The following SYNM variants were observed in gnomAD, a reference collection of about 807,000 sequenced individuals.
SYNM encodes the protein synemin, also known as desmuslin.
A neutral mutation model predicts 104.0 loss-of-function variants in SYNM; 95 were observed. That is an observed-to-expected ratio of 0.91 (90% CI 0.77 to 1.08). SYNM has a LOEUF of 1.08. Among genes scored for constraint, SYNM ranks in the 50% least tolerant of loss-of-function variants. The pLI, the probability that SYNM is intolerant of heterozygous loss-of-function variation, is 0.00. For synonymous variants in SYNM, 918 were observed against 869.0 expected, an observed-to-expected ratio of 1.06 and a Z score of -0.99; for missense variants, 2,150 against 2,052.2, an observed-to-expected ratio of 1.05 and a Z score of -0.92.
rs1246826356 is a variant in SYNM, at chr15:99,131,565, G to A, written c.3205G>A (p.Ala1069Thr). Residue 1069 changes from alanine (A) to threonine (T), a missense_variant, in exon 4 of 4, where the codon GCC becomes ACC. Coordinates refer to ENST00000336292, the MANE Select transcript of SYNM (RefSeq NM_145728.3). This position sits in a 1 kb window ranked among gnomAD's most constrained non-coding sequence, Gnocchi z 4.3. Reference sequence around the variant, plus strand: ...TGCTGGCATTCGCTTTAGGCGTTGGGCCACCCGGGAGCTGTACATCCCTTC... The same window carrying A: ...TGCTGGCATTCGCTTTAGGCGTTGGACCACCCGGGAGCTGTACATCCCTTC... The part of the protein sequence containing the change: ...PAAGIRFRRW[A>T]TRELYIPSGE... The A allele has an allele frequency of 9.3e-6, 15 of 1,608,932 alleles. No individual in the cohort carries two copies. Among genetic ancestry groups the A allele is most frequent in the Non-Finnish European group, 1.2e-5 (14 of 1,179,702 alleles).
In SYNM at chr15:99,113,794, C is replaced by CAGTGGAGTCACT; in HGVS notation, c.935+79_935+80insAGTGGAGTCACT. ...ACATGAAGGAAACTGGTCTAGGGAC[C>CAGTGGAGTCACT]GTAGCCTTTGTGGAGTCACTGTGGC... On this transcript the variant is annotated intron_variant, in intron 2 of 3. Coordinates refer to ENST00000336292, the MANE Select transcript of SYNM (RefSeq NM_145728.3). 3.9e-6 allele frequency: 6 copies of CAGTGGAGTCACT among 1,554,174 alleles called. No homozygotes were observed. In the South Asian group the frequency reaches 7.3e-5, roughly 19 times the overall value.
chr15:99,111,872 C>G (rs2067302549), intron 1 of SYNM, among the ~76,000 whole-genome samples: 1 of 152,184 alleles, frequency 6.6e-6, no homozygotes, highest in Non-Finnish European at 1.5e-5. Flanking sequence ...TGGTGAAACC[C>G]CGTCTCTACT....
At chr15:99,136,158 C>T (rs574381273), downstream of SYNM, among the ~76,000 whole-genome samples, 1 of 151,830 alleles carries the variant, frequency 6.6e-6, no homozygotes, top group African/African-American at 2.4e-5. Context: ...CTATAGTCTT[C>T]CTCTCGTTGA....
At chr15:99,123,998 C>T (rs974574381) in intron 2 of SYNM, among the ~76,000 whole-genome samples, 2 of 152,268 alleles carry the variant, frequency 1.3e-5, no homozygotes, top group Non-Finnish European at 2.9e-5. Context: ...TTGTCCTGGG[C>T]TCCTTAATGA....
At chr15:99,139,428 G>A, downstream of SYNM, 8 of 1,614,026 alleles carry the variant, frequency 5.0e-6, no homozygotes, top group Non-Finnish European at 6.8e-6. Context: ...CTATCATGAG[G>A]CTATGGAAGT....
downstream of SYNM, among the ~76,000 whole-genome samples, chr15:99,136,164 G>A (rs1356857381): frequency 2.2e-5 from 3 of 136,902 alleles, no homozygotes; most frequent in African/African-American, 5.4e-5. Context: ...TCTTCCTCTC[G>A]TTGAAGTCAA....
Position 99,114,605 on chromosome 15 carries a change from A to G in SYNM, c.935+890A>G, listed in dbSNP as rs574413882. ...AGCATGGTGCATGCTAATGTAGGCCAACTGGCTTTATGTATCAAGATGTTG... is the reference window on the plus strand; with the variant it reads ...AGCATGGTGCATGCTAATGTAGGCCGACTGGCTTTATGTATCAAGATGTTG... On this transcript the variant is annotated intron_variant, in intron 2 of 3. Coordinates refer to ENST00000336292, the MANE Select transcript of SYNM (RefSeq NM_145728.3). 2.0e-5 allele frequency among the ~76,000 whole-genome samples: 3 copies of G among 152,224 alleles called. No homozygotes were observed. The South Asian group carries it at 6.2e-4, about 32-fold the overall frequency.
At chr15:99,115,469 AT>A (rs60387897) in intron 2 of SYNM, among the ~76,000 whole-genome samples, 5,903 of 129,862 alleles carry the variant, frequency 0.045, 293 homozygotes, top group African/African-American at 0.16. Context: ...ATTTTATTCT[AT>A]TTTTTTTTTT....
chr15:99,128,377 T>TG (rs1247218430), intron 3 of SYNM, among the ~76,000 whole-genome samples: 2 of 152,256 alleles, frequency 1.3e-5, no homozygotes, highest in Non-Finnish European at 2.9e-5. Flanking sequence ...CCTGCACTAT[T>TG]GCCTGGGGGT....
chr15:99,105,348 A>G lies in SYNM; in HGVS notation c.149A>G (p.Glu50Gly). 3 of 1,537,988 alleles carry G rather than the reference A, an allele frequency of 2.0e-6. No individual in the cohort carries two copies. The highest frequency in any genetic ancestry group is 2.6e-6 in the Non-Finnish European group (3 of 1,145,232). ...GAGCTGCGCGGCCGGCGCGGGCGAG[A>G]GGGCCTGTGGGCCGAGGGGCAGGCC... ...EEELRGRRGR[E>G]GLWAEGQARC... The change falls in exon 1 of 4, where the codon GAG becomes GGG. Residue 50 changes from glutamate (E) to glycine (G), a missense_variant. Physicochemically the swap from Glu to Gly is moderately conservative, Grantham distance 98 (BLOSUM62 -2). Coordinates refer to ENST00000336292, the MANE Select transcript of SYNM (RefSeq NM_145728.3).
chr15:99,120,701 C>G (rs1378038447), intron 2 of SYNM, among the ~76,000 whole-genome samples: 1 of 152,134 alleles, frequency 6.6e-6, no homozygotes, highest in Admixed American at 6.5e-5. Flanking sequence ...TGAAGAGCTG[C>G]AAAAGACTCC....
chr15:99,105,361 C>T lies in SYNM; in HGVS notation c.162C>T (p.Ala54=). 1.3e-6 allele frequency: 2 copies of T among 1,532,820 alleles called. No individual in the cohort carries two copies. The highest frequency in any genetic ancestry group is 8.7e-7 in the Non-Finnish European group (1 of 1,143,794). The allele number at this position is 1,532,820 out of a possible 1,614,324, so 95.0% of individuals were successfully genotyped here. Reference sequence around the variant, plus strand: ...GGCGCGGGCGAGAGGGCCTGTGGGCCGAGGGGCAGGCCCGCTGCGCCGAGG... The same window carrying T: ...GGCGCGGGCGAGAGGGCCTGTGGGCTGAGGGGCAGGCCCGCTGCGCCGAGG... ...RGRRGREGLW[A]EGQARCAEEA... Residue 54 remains alanine (A), a synonymous_variant, in exon 1 of 4, where the codon GCC becomes GCT. Coordinates refer to ENST00000336292, the MANE Select transcript of SYNM (RefSeq NM_145728.3).
At position 99,105,151 on chromosome 15, in the gene SYNM, A is replaced by AGG; in HGVS notation, c.-47_-46dup. ...GAGAGGACGAGACCGGGACAAGACC[A>AGG]GGGCAGGAGGGAGCCGGCCAGCCGC... On this transcript the variant is annotated 5_prime_UTR_variant, in exon 1 of 4. Transcript: ENST00000336292. The AGG allele has an allele frequency of 6.5e-7, 1 of 1,542,278 alleles. No homozygotes were observed. Among genetic ancestry groups the AGG allele is most frequent in the Admixed American group, 1.9e-5 (1 of 52,416 alleles).
At chr15:99,111,955 T>C (rs1670253) in intron 1 of SYNM, among the ~76,000 whole-genome samples, 108,375 of 152,168 alleles carry the variant, frequency 0.71, 38,738 homozygotes, top group Middle Eastern at 0.78. Flanking sequence ...AGGCTGAAGC[T>C]GGAGAATCAC....
chr15:99,114,554 C>G (rs1217606354), intron 2 of SYNM, among the ~76,000 whole-genome samples: 1 of 152,008 alleles, frequency 6.6e-6, no homozygotes, highest in Non-Finnish European at 1.5e-5. Context: ...GGGTTTGGCC[C>G]TGAACTGAAT....
chr15:99,129,152 A>G, intron 3 of SYNM: 1 of 609,396 alleles, frequency 1.6e-6, no homozygotes. Context: ...GTTAGGCTGA[A>G]GTATTTGTAG....
chr15:99,115,068 G>C (rs560614699), intron 2 of SYNM, among the ~76,000 whole-genome samples: 49 of 152,274 alleles, frequency 3.2e-4, no homozygotes, highest in African/African-American at 1.2e-3. Flanking sequence ...GAGAGAGGCC[G>C]GGAGGTTGGG....
At position 99,132,640 on chromosome 15, in the gene SYNM, T is replaced by C. The variant is rs936540198; in HGVS notation, c.4280T>C (p.Phe1427Ser). 4.3e-6 allele frequency: 7 copies of C among 1,613,800 alleles called. No homozygotes were observed. In the African/African-American group the frequency reaches 5.3e-5, roughly 12 times the overall value. ...IAIRGPVSRT[F>S]VLAGSADSPE... Reference sequence around the variant, plus strand: ...ATCCGTGGACCCGTGTCCAGAACATTTGTGCTTGCTGGTTCAGCGGACTCC... The same window carrying C: ...ATCCGTGGACCCGTGTCCAGAACATCTGTGCTTGCTGGTTCAGCGGACTCC... The change falls in exon 4 of 4, where the codon TTT (phenylalanine) becomes TCT (serine). Residue 1427 changes from phenylalanine (F) to serine (S), a missense_variant. Coordinates refer to ENST00000336292, the MANE Select transcript of SYNM (RefSeq NM_145728.3).
rs928436188 is a variant in SYNM at position 99,135,294 on chromosome 15, A to T, written c.*2236A>T. The stretch of plus-strand genomic sequence containing the variant: ...GTGAGTGTGCCCTTCACACTGTGAC[A>T]TTGTGACATTGTGACAAGCTCCATG... On this transcript the variant is annotated 3_prime_UTR_variant, in exon 4 of 4. Coordinates refer to ENST00000336292, the MANE Select transcript of SYNM (RefSeq NM_145728.3). The T allele has an allele frequency of 2.6e-5, 4 of 152,420 alleles. No homozygotes were observed. Among genetic ancestry groups the T allele is most frequent in the African/African-American group, 9.7e-5 (4 of 41,274 alleles). The allele number at this position is 152,420 out of a possible 1,614,324, so 9.4% of individuals were successfully genotyped here.
Sources: gnomAD v4.1 joint callset for allele counts (sites outside exome capture counted in the v4.1 genomes callset) on GRCh38, gnomAD v4.1.1 for gene constraint, Gnocchi (gnomAD v3.1) non-coding constraint, MANE v1.5 for transcripts, NCBI Gene and HGNC (gene_info 2026-07-23, HGNC 2026-07-21) for gene names.